The following PRKCH variants were observed in gnomAD, a reference collection of about 807,000 sequenced individuals.
PRKCH encodes protein kinase C eta type.
Under a neutral mutation model 82.5 loss-of-function variants are expected in PRKCH, and 28 were observed. The ratio of observed to expected loss-of-function variants is 0.34; its 90% confidence interval spans 0.25 to 0.47. The LOEUF (loss-of-function observed/expected upper bound fraction) is 0.47, where lower values mean the gene tolerates loss of function less well. Among genes scored for constraint, PRKCH ranks in the 20% least tolerant of loss-of-function variants. PRKCH has a pLI of 1.00. For synonymous variants in PRKCH, 322 were observed against 327.4 expected (o/e 0.98, Z 0.18); for missense variants, 705 against 881.8 (o/e 0.80, Z 2.54).
At chr14:61,389,248 G>A (rs889277558) in intron 1 of PRKCH, among the ~76,000 whole-genome samples, 1 of 152,142 alleles carries the variant, frequency 6.6e-6, no homozygotes, top group Admixed American at 6.5e-5. Flanking sequence ...TACTTGGGGG[G>A]CTGAGGCAGG....
chr14:61,215,808 G>T (rs578070590), intron 1 of PRKCH, among the ~76,000 whole-genome samples: 1 of 152,138 alleles, frequency 6.6e-6, no homozygotes, highest in African/African-American at 2.4e-5. Context: ...ATATTTAGAA[G>T]TATGTGCCAA....
intron 1 of PRKCH, among the ~76,000 whole-genome samples, chr14:61,234,074 T>TTAGA (rs1345716991): frequency 6.6e-6 from 1 of 152,170 alleles, no homozygotes; most frequent in Non-Finnish European, 1.5e-5. Context: ...CCACTCCTAT[T>TTAGA]TAGATAAGGT....
At position 61,428,112 on chromosome 14, in the gene PRKCH, C is replaced by CATATATATATATATATATATAT. The variant is rs112740584; in HGVS notation, c.428-14979_428-14978insATATATATATATATATATATAT. 1.7e-3 allele frequency among the ~76,000 whole-genome samples: 253 copies of CATATATATATATATATATATAT among 145,502 alleles called. 1 individual carries two copies. Among genetic ancestry groups the CATATATATATATATATATATAT allele is most frequent in the African/African-American group, 6.2e-3 (233 of 37,486 alleles). On this transcript the variant is annotated intron_variant, in intron 2 of 13. Coordinates refer to ENST00000332981, the MANE Select transcript of PRKCH (RefSeq NM_006255.5). ...ACACACACACATATATATATACACA[C>CATATATATATATATATATATAT]ATATATATATATATATATATGTATC...
chr14:61,314,005 A>T (rs1380820521), intron 1 of PRKCH, among the ~76,000 whole-genome samples: 1 of 152,114 alleles, frequency 6.6e-6, no homozygotes, highest in Non-Finnish European at 1.5e-5. Context: ...TTTCTTATAG[A>T]GACAGGTTCT....
chr14:61,486,604 T>C (rs866527333), intron 10 of PRKCH, among the ~76,000 whole-genome samples: 16 of 152,344 alleles, frequency 1.1e-4, no homozygotes, highest in South Asian at 8.3e-4. Context: ...TGTTTTTTTT[T>C]CTGCTGTTAG....
chr14:61,261,101 C>T (rs2045039845), intron 1 of PRKCH, among the ~76,000 whole-genome samples: 1 of 152,148 alleles, frequency 6.6e-6, no homozygotes, highest in African/African-American at 2.4e-5. Context: ...CCACCACCAC[C>T]AACAAAAAAA....
In PRKCH at chr14:61,280,443, C is replaced by T. The variant is rs1242651073; in HGVS notation, c.-19+92775C>T. 1 of 1,613,908 alleles carries T rather than the reference C, an allele frequency of 6.2e-7. No homozygotes were observed. The highest frequency in any genetic ancestry group is 1.3e-5 in the African/African-American group (1 of 75,050). The stretch of plus-strand genomic sequence containing the variant: ...CGGTGTTGTTGGGGTCGGGGCTGAG[C>T]TCGTAGACTGGCCGGCGCCAGTTGG... On this transcript the variant is annotated intron_variant, in intron 1 of 3. Coordinates refer to the PRKCH transcript ENST00000555185. The surrounding 1 kb of genome is among the most constrained non-coding windows in gnomAD (Gnocchi z 5.0).
intron 1 of PRKCH, among the ~76,000 whole-genome samples, chr14:61,282,639 G>A (rs975730831): frequency 7.9e-5 from 12 of 152,090 alleles, no homozygotes; most frequent in Non-Finnish European, 1.6e-4. Context: ...AATCAAAATA[G>A]CCAATAATAG....
chr14:61,540,985 AC>A (rs2043176607), intron 12 of PRKCH, among the ~76,000 whole-genome samples: 1 of 151,744 alleles, frequency 6.6e-6, no homozygotes, highest in Non-Finnish European at 1.5e-5. Context: ...GCCCCATCCC[AC>A]CCCCAGTGGA....
intron 1 of PRKCH, among the ~76,000 whole-genome samples, chr14:61,196,612 T>C (rs2044444492): frequency 6.6e-6 from 1 of 152,232 alleles, no homozygotes; most frequent in African/African-American, 2.4e-5. Flanking sequence ...AAATGACTTT[T>C]TGGCTGCATA....
chr14:61,382,186 T>C (rs2046521175), intron 1 of PRKCH, among the ~76,000 whole-genome samples: 1 of 152,176 alleles, frequency 6.6e-6, no homozygotes, highest in Non-Finnish European at 1.5e-5. Context: ...ATTTTAGCAC[T>C]TTGGGAGGCT....
At chr14:61,249,703 C>T (rs2044924283) in intron 1 of PRKCH, among the ~76,000 whole-genome samples, 1 of 151,916 alleles carries the variant, frequency 6.6e-6, no homozygotes, top group Admixed American at 6.6e-5. Flanking sequence ...TCACTGCAAC[C>T]TCCGCCTCCT....
chr14:61,264,771 G>A (rs1263227758), intron 1 of PRKCH, among the ~76,000 whole-genome samples: 1 of 152,134 alleles, frequency 6.6e-6, no homozygotes, highest in Non-Finnish European at 1.5e-5. Flanking sequence ...TTCAGGGCTC[G>A]CTGATTTCAA....
intron 1 of PRKCH, chr14:61,277,585 ATT>A (rs2045215263): frequency 6.6e-6 from 1 of 152,228 alleles, no homozygotes; most frequent in Non-Finnish European, 1.5e-5. Flanking sequence ...AACGTTTCCC[ATT>A]TCAGTTTTAA....
intron 1 of PRKCH, among the ~76,000 whole-genome samples, chr14:61,342,573 GT>G (rs139607170): frequency 0.015 from 2,344 of 152,264 alleles, 51 homozygotes; most frequent in African/African-American, 0.054. Context: ...TGAAGCCTTT[GT>G]TTTTTCAGAG....
chr14:61,349,720 G>A (rs897562107), intron 1 of PRKCH, among the ~76,000 whole-genome samples: 2 of 152,106 alleles, frequency 1.3e-5, no homozygotes, highest in African/African-American at 2.4e-5. Flanking sequence ...AATTAGCCGG[G>A]CATGGAAGTG....
At chr14:61,454,794 A>T (rs1414147414) in intron 7 of PRKCH, among the ~76,000 whole-genome samples, 1 of 152,112 alleles carries the variant, frequency 6.6e-6, no homozygotes, top group Non-Finnish European at 1.5e-5. Context: ...CCCATGTCTT[A>T]CTGTTGCCTT....
intron 1 of PRKCH, among the ~76,000 whole-genome samples, chr14:61,368,749 G>A (rs929967119): frequency 6.6e-6 from 1 of 152,072 alleles, no homozygotes; most frequent in Admixed American, 6.5e-5. Flanking sequence ...GTAGAAAGCT[G>A]TTTGATTATA....
intron 1 of PRKCH, among the ~76,000 whole-genome samples, chr14:61,249,522 C>CAAA (rs374942372): frequency 8.2e-6 from 1 of 121,244 alleles, no homozygotes. Flanking sequence ...CGAAGCTTTC[C>CAAA]AAAAAAAAAA....
Sources: gnomAD v4.1 joint callset for allele counts (sites outside exome capture counted in the v4.1 genomes callset) on GRCh38, gnomAD v4.1.1 for gene constraint, Gnocchi (gnomAD v3.1) non-coding constraint, MANE v1.5 for transcripts, NCBI Gene and HGNC (gene_info 2026-07-23, HGNC 2026-07-21) for gene names.